Variants in CNBD1 observed in about 807,000 individuals in gnomAD.
CNBD1 encodes cyclic nucleotide binding domain containing 1.
Under a neutral mutation model 54.4 loss-of-function variants are expected in CNBD1, and 71 were observed. The observed-to-expected ratio is 1.30, with a 90% CI of 1.08 to 1.59. The LOEUF (loss-of-function observed/expected upper bound fraction) is 1.59. CNBD1 is among the 40% of genes most tolerant of loss of function. The pLI is 0.00. For missense variants in CNBD1, 659 were observed against 518.0 expected (o/e 1.27, Z -2.64); for synonymous variants, 182 against 170.7 (o/e 1.07, Z -0.51).
At chr8:87,296,049 T>A (rs563444638) in intron 8 of CNBD1, among the ~76,000 whole-genome samples, 1 of 152,302 alleles carries the variant, frequency 6.6e-6, no homozygotes, top group Non-Finnish European at 1.5e-5. Context: ...TTGTCTTTTT[T>A]CCTGTTTTTC....
At chr8:87,146,990 G>A (rs1812504386) in intron 4 of CNBD1, among the ~76,000 whole-genome samples, 2 of 151,942 alleles carry the variant, frequency 1.3e-5, no homozygotes, top group African/African-American at 4.8e-5. Flanking sequence ...AAATAAAATT[G>A]GAATCAGTTG....
At chr8:87,369,014 G>T (rs1402083836) in intron 10 of CNBD1, among the ~76,000 whole-genome samples, 1 of 151,772 alleles carries the variant, frequency 6.6e-6, no homozygotes, top group Admixed American at 6.6e-5. Context: ...CTGCCTCCAG[G>T]ATCCATATTA....
intron 2 of CNBD1, among the ~76,000 whole-genome samples, chr8:87,427,749 A>G (rs1238705777): frequency 6.6e-6 from 1 of 152,166 alleles, no homozygotes; most frequent in African/African-American, 2.4e-5. Context: ...GTCAGCAAAA[A>G]TTTTGGCTCT....
At chr8:87,350,313 A>T (rs577744075) in intron 8 of CNBD1, among the ~76,000 whole-genome samples, 7 of 152,218 alleles carry the variant, frequency 4.6e-5, no homozygotes, top group African/African-American at 1.4e-4. Context: ...TAAATGATTG[A>T]CAACAGTAGA....
intron 8 of CNBD1, among the ~76,000 whole-genome samples, chr8:87,331,461 A>G (rs1229138385): frequency 6.6e-6 from 1 of 152,184 alleles, no homozygotes; most frequent in Non-Finnish European, 1.5e-5. Context: ...ACAGTCCATC[A>G]TTGATGGGCA....
At chr8:87,384,774 C>G (rs1008760076), downstream of CNBD1, among the ~76,000 whole-genome samples, 1 of 151,680 alleles carries the variant, frequency 6.6e-6, no homozygotes, top group Non-Finnish European at 1.5e-5. Flanking sequence ...AGTGAAAGGT[C>G]AATAAGATAG....
rs545417757 is a variant in CNBD1 at position 87,029,955 on chromosome 8, T to A, written c.431+90201T>A. 1.4e-3 allele frequency among the ~76,000 whole-genome samples: 219 copies of A among 152,290 alleles called. 2 individuals carry two copies. The highest frequency in any genetic ancestry group is 4.9e-3 in the African/African-American group (204 of 41,578). Reference sequence around the variant, plus strand: ...TTCAGCATTTTATATAGTAATGAAGTCACAAATATAGTCAATTGAAAGTAA... The same window carrying A: ...TTCAGCATTTTATATAGTAATGAAGACACAAATATAGTCAATTGAAAGTAA... On this transcript the variant is annotated intron_variant, in intron 4 of 10. Coordinates refer to ENST00000518476, the MANE Select transcript of CNBD1 (RefSeq NM_173538.3).
chr8:87,176,492 T>A (rs1031846790), intron 4 of CNBD1, among the ~76,000 whole-genome samples: 5 of 151,200 alleles, frequency 3.3e-5, no homozygotes, highest in Admixed American at 6.6e-5. Flanking sequence ...TATTTTTTTT[T>A]TTTTTTTTGA....
At chr8:86,903,476 C>G (rs1808969660) in intron 2 of CNBD1, among the ~76,000 whole-genome samples, 1 of 151,922 alleles carries the variant, frequency 6.6e-6, no homozygotes, top group Admixed American at 6.6e-5. Context: ...GTAGGAGTAT[C>G]TAGTTAATAC....
intron 8 of CNBD1, among the ~76,000 whole-genome samples, chr8:87,341,745 G>T (rs1041996080): frequency 2.0e-5 from 3 of 152,174 alleles, no homozygotes; most frequent in Non-Finnish European, 4.4e-5. Flanking sequence ...GTAGCAACAA[G>T]ACATAATCTT....
chr8:87,045,318 G>C (rs557673224), intron 4 of CNBD1, among the ~76,000 whole-genome samples: 3 of 152,166 alleles, frequency 2.0e-5, no homozygotes, highest in Non-Finnish European at 1.5e-5. Flanking sequence ...AAGAAGACTG[G>C]AATCTTTCAA....
intron 4 of CNBD1, among the ~76,000 whole-genome samples, chr8:86,982,365 G>A (rs1258362043): frequency 6.6e-6 from 1 of 152,124 alleles, no homozygotes; most frequent in Non-Finnish European, 1.5e-5. Context: ...AAGAGCAAAA[G>A]GTTTTAATAT....
chr8:87,323,686 C>G (rs1809594606), intron 8 of CNBD1, among the ~76,000 whole-genome samples: 1 of 136,124 alleles, frequency 7.3e-6, no homozygotes, highest in Non-Finnish European at 1.6e-5. Context: ...TGCTTATCAG[C>G]TTAAGGAGAT....
intron 4 of CNBD1, among the ~76,000 whole-genome samples, chr8:87,135,897 T>G (rs1382107919): frequency 1.3e-5 from 2 of 152,032 alleles, no homozygotes; most frequent in Non-Finnish European, 2.9e-5. Flanking sequence ...GTTAGTGGGT[T>G]AAGACAAGGA....
At chr8:87,264,072 G>A (rs1281263471) in intron 6 of CNBD1, among the ~76,000 whole-genome samples, 1 of 152,016 alleles carries the variant, frequency 6.6e-6, no homozygotes, top group Non-Finnish European at 1.5e-5. Flanking sequence ...ATGTATACAT[G>A]TGCCATGTTG....
At chr8:87,300,847 CAAATA>C (rs1199074498) in intron 8 of CNBD1, among the ~76,000 whole-genome samples, 3 of 151,800 alleles carry the variant, frequency 2.0e-5, no homozygotes, top group African/African-American at 7.3e-5. Flanking sequence ...AGAGGGACAA[CAAATA>C]AAATCTTTTG....
chr8:87,275,359 C>T (rs1246043549), intron 6 of CNBD1, among the ~76,000 whole-genome samples: 3 of 151,394 alleles, frequency 2.0e-5, no homozygotes, highest in African/African-American at 7.3e-5. Flanking sequence ...TATAAATTAC[C>T]TTGGGCAGTA....
intron 4 of CNBD1, among the ~76,000 whole-genome samples, chr8:87,010,369 C>A (rs1809191192): frequency 6.6e-6 from 1 of 152,052 alleles, no homozygotes; most frequent in South Asian, 2.1e-4. Flanking sequence ...TGTTTTATAT[C>A]TAATATGTGG....
chr8:87,283,804 T>C (rs2130869130), intron 6 of CNBD1, among the ~76,000 whole-genome samples: 1 of 152,242 alleles, frequency 6.6e-6, no homozygotes, highest in African/African-American at 2.4e-5. Context: ...CTCCTGTTCC[T>C]ACATGTACAA....
Sources: gnomAD v4.1 joint callset for allele counts (sites outside exome capture counted in the v4.1 genomes callset) on GRCh38, gnomAD v4.1.1 for gene constraint, MANE v1.5 for transcripts, NCBI Gene and HGNC (gene_info 2026-07-23, HGNC 2026-07-21) for gene names.